The following SPON1 variants were observed in gnomAD, a reference collection of about 807,000 sequenced individuals.
SPON1 encodes the protein spondin-1.
Under a neutral mutation model 111.7 loss-of-function variants are expected in SPON1, and 52 were observed. The ratio of observed to expected loss-of-function variants is 0.47; its 90% CI spans 0.37 to 0.59. The LOEUF (loss-of-function observed/expected upper bound fraction) is 0.59. Ranked by LOEUF, SPON1 falls within the 20% of genes least tolerant of loss-of-function variation. The pLI, the probability that SPON1 is intolerant of heterozygous loss-of-function variation, is 0.00. For missense variants in SPON1, 957 were observed against 1,068.5 expected, an observed-to-expected ratio of 0.90 and a Z score of 1.46; for synonymous variants, 410 against 395.8, an observed-to-expected ratio of 1.04 and a Z score of -0.43.
intron 6 of SPON1, among the ~76,000 whole-genome samples, chr11:14,188,314 A>G (rs782067076): frequency 6.6e-5 from 10 of 152,152 alleles, no homozygotes; most frequent in Non-Finnish European, 1.3e-4. Flanking sequence ...ATCAAATGCC[A>G]TATTTTCAGA....
chr11:14,025,770 T>G (rs1374916381), intron 2 of SPON1, among the ~76,000 whole-genome samples: 1 of 151,964 alleles, frequency 6.6e-6, no homozygotes, highest in Non-Finnish European at 1.5e-5. Flanking sequence ...GTAGGACTAG[T>G]CCAGGAACAA....
At chr11:14,062,148 TTGAC>T (rs1295031046) in intron 3 of SPON1, among the ~76,000 whole-genome samples, 1 of 152,150 alleles carries the variant, frequency 6.6e-6, no homozygotes, top group Non-Finnish European at 1.5e-5. Context: ...TTCCCTTAAT[TTGAC>T]TGACACTTAT....
chr11:14,185,221 C>A (rs1444309562), intron 6 of SPON1, among the ~76,000 whole-genome samples: 1 of 152,176 alleles, frequency 6.6e-6, no homozygotes, highest in African/African-American at 2.4e-5. Flanking sequence ...GACCCCCCAC[C>A]ATCAGCAAAG....
intron 2 of SPON1, among the ~76,000 whole-genome samples, chr11:14,016,256 T>A (rs1554914273): frequency 2.6e-5 from 4 of 152,264 alleles, no homozygotes. Flanking sequence ...ACACATGTGA[T>A]CTCATTTAAC....
chr11:14,010,385 C>T (rs1330790097), intron 2 of SPON1, among the ~76,000 whole-genome samples: 1 of 151,668 alleles, frequency 6.6e-6, no homozygotes, highest in Non-Finnish European at 1.5e-5. Context: ...GAAAGGAAGA[C>T]CCACAGATTA....
In SPON1 at chr11:14,113,568, ATTTTTTTT is replaced by A. The variant is rs782780924; in HGVS notation, c.677-21807_677-21800del. On this transcript the variant is annotated intron_variant, in intron 5 of 15. Coordinates refer to ENST00000576479, the MANE Select transcript of SPON1 (RefSeq NM_006108.4). ...AAGTCACCTCCTATGTACTTTTTAA[ATTTTTTTT>A]TTTTTTTTTTTTTTTTTTTTTTTTT... Among the ~76,000 whole-genome samples, 25 of 74,752 alleles carry A rather than the reference ATTTTTTTT, an allele frequency of 3.3e-4. 5 individuals carry two copies. The highest frequency in any genetic ancestry group is 1.2e-3 in the African/African-American group (22 of 18,792). The allele number at this position is 74,752 out of a possible 152,430, so 49.0% of individuals were successfully genotyped here.
chr11:13,978,439 T>C (rs966645439), intron 1 of SPON1, among the ~76,000 whole-genome samples: 1 of 152,180 alleles, frequency 6.6e-6, no homozygotes, highest in African/African-American at 2.4e-5. Flanking sequence ...TGAGCTTAGA[T>C]GGGTTCTTAC....
chr11:14,264,045 A>AG (rs1240406452), intron 15 of SPON1, among the ~76,000 whole-genome samples: 66 of 152,092 alleles, frequency 4.3e-4, no homozygotes, highest in African/African-American at 1.5e-3. Flanking sequence ...AAAAAAAAAA[A>AG]AAAAGAAAAG....
In SPON1 at chr11:14,139,709, A is replaced by AAT. The variant is rs57464043; in HGVS notation, c.825+4156_825+4157dup. On this transcript the variant is annotated intron_variant, in intron 6 of 15. Transcript: ENST00000576479. ...CAGTGGAGAAAAGGAAAACATGTAA[A>AAT]ATATATATATATATATTTAAGTGAA... 5.3e-3 allele frequency among the ~76,000 whole-genome samples: 765 copies of AAT among 145,440 alleles called. 18 individuals carry two copies. The highest frequency in any genetic ancestry group is 0.017 in the African/African-American group (677 of 38,826).
intron 6 of SPON1, among the ~76,000 whole-genome samples, chr11:14,179,251 G>A (rs1056471712): frequency 2.0e-5 from 3 of 152,122 alleles, no homozygotes; most frequent in African/African-American, 7.2e-5. Flanking sequence ...TCCATTGAGC[G>A]GGTTAAGATA....
chr11:14,246,172 G>A (rs781849305), intron 7 of SPON1, among the ~76,000 whole-genome samples: 1 of 152,142 alleles, frequency 6.6e-6, no homozygotes, highest in Non-Finnish European at 1.5e-5. Flanking sequence ...TTTCTCTTGA[G>A]GAGCCTGGGC....
intron 6 of SPON1, among the ~76,000 whole-genome samples, chr11:14,157,001 C>A (rs782451247): frequency 2.0e-5 from 3 of 152,166 alleles, no homozygotes; most frequent in Non-Finnish European, 2.9e-5. Context: ...TGGTCGAGGA[C>A]GGAGAGCCAA....
At chr11:14,239,223 G>A (rs900447198) in intron 6 of SPON1, among the ~76,000 whole-genome samples, 7 of 152,104 alleles carry the variant, frequency 4.6e-5, no homozygotes, top group African/African-American at 1.2e-4. Flanking sequence ...CTCAGGCAGC[G>A]CAAGTCAATT....
At chr11:13,987,986 G>T (rs1226602198) in intron 2 of SPON1, among the ~76,000 whole-genome samples, 1 of 152,188 alleles carries the variant, frequency 6.6e-6, no homozygotes, top group Non-Finnish European at 1.5e-5. Flanking sequence ...CAGGTAGCAT[G>T]ATGCCTCCAG....
At chr11:14,264,648 T>C (rs1271369434) in intron 15 of SPON1, among the ~76,000 whole-genome samples, 5 of 152,196 alleles carry the variant, frequency 3.3e-5, no homozygotes, top group Non-Finnish European at 7.3e-5. Flanking sequence ...GCCTACTATG[T>C]GGCAGGTACA....
chr11:14,169,107 C>A (rs575799505), intron 6 of SPON1, among the ~76,000 whole-genome samples: 1 of 152,356 alleles, frequency 6.6e-6, no homozygotes, highest in East Asian at 1.9e-4. Flanking sequence ...AACTAGTTTA[C>A]ATTCTCACCA....
At chr11:14,208,425 C>T (rs1209411398) in intron 6 of SPON1, among the ~76,000 whole-genome samples, 2 of 151,958 alleles carry the variant, frequency 1.3e-5, no homozygotes, top group Non-Finnish European at 2.9e-5. Context: ...TATTTTGATG[C>T]AAATATATTT....
intron 6 of SPON1, among the ~76,000 whole-genome samples, chr11:14,209,513 T>G (rs1256061553): frequency 1.3e-5 from 2 of 152,198 alleles, no homozygotes; most frequent in African/African-American, 4.8e-5. Flanking sequence ...CATACGGTCT[T>G]TGGTTTTCTG....
At chr11:14,136,427 T>C (rs1344455501) in intron 6 of SPON1, among the ~76,000 whole-genome samples, 2 of 152,188 alleles carry the variant, frequency 1.3e-5, no homozygotes, top group African/African-American at 4.8e-5. Context: ...GAGAGGCTGT[T>C]GCCCTCCCTG....
Sources: gnomAD v4.1 joint callset for allele counts (sites outside exome capture counted in the v4.1 genomes callset) on GRCh38, gnomAD v4.1.1 for gene constraint, MANE v1.5 for transcripts, NCBI Gene and HGNC (gene_info 2026-07-23, HGNC 2026-07-21) for gene names.